The following CACNA1E variants were observed in gnomAD, a reference collection of about 807,000 sequenced individuals.
CACNA1E encodes the protein voltage-dependent R-type calcium channel subunit alpha-1E.
Under a neutral mutation model 259.2 loss-of-function variants are expected in CACNA1E, and 40 were observed. The observed-to-expected ratio is 0.15, with a 90% confidence interval of 0.12 to 0.20. The LOEUF (loss-of-function observed/expected upper bound fraction) is 0.20. CACNA1E is among the 10% of genes least tolerant of loss of function. The pLI, the probability that CACNA1E is intolerant of heterozygous loss-of-function variation, is 1.00. For missense variants in CACNA1E, 1,874 were observed against 3,040.1 expected (o/e 0.62, Z 9.02); for synonymous variants, 1,104 against 1,138.5 (o/e 0.97, Z 0.61).
At chr1:181,651,266 A>C (rs1438998664) in intron 6 of CACNA1E, 72 bp from the exon 7 acceptor site, 2 of 964,544 alleles carry the variant, frequency 2.1e-6, no homozygotes, top group Admixed American at 3.6e-5. Flanking sequence ...CCCTCTGTGC[A>C]GCTGCAAGAA....
intron 1 of CACNA1E, among the ~76,000 whole-genome samples, chr1:181,403,800 C>A (rs2102098759): frequency 1.3e-5 from 2 of 152,258 alleles, no homozygotes; most frequent in Middle Eastern, 3.4e-3. Context: ...TGCTGGTGGT[C>A]TAAGGTGGGG....
chr1:181,663,165 T>G (rs988975383), intron 7 of CACNA1E, among the ~76,000 whole-genome samples: 7 of 152,232 alleles, frequency 4.6e-5, no homozygotes, highest in African/African-American at 1.7e-4. Context: ...AATTTAATAC[T>G]ACTAAAGATA....
intron 6 of CACNA1E, among the ~76,000 whole-genome samples, chr1:181,586,034 T>C (rs546055853): frequency 1.3e-5 from 2 of 152,038 alleles, no homozygotes; most frequent in Admixed American, 1.3e-4. Flanking sequence ...ATCAAGGTTA[T>C]AGCAAGGATA....
At chr1:181,780,591 G>A (rs566331312) in intron 38 of CACNA1E, among the ~76,000 whole-genome samples, 18 of 152,322 alleles carry the variant, frequency 1.2e-4, no homozygotes, top group Admixed American at 2.0e-4. Flanking sequence ...CAGGAGGCTG[G>A]ACAGCTGCCT....
intron 2 of CACNA1E, among the ~76,000 whole-genome samples, chr1:181,420,892 G>T (rs535808141): frequency 6.6e-6 from 1 of 152,252 alleles, no homozygotes; most frequent in Non-Finnish European, 1.5e-5. Context: ...ACATGTCTGT[G>T]TCCCCCACTA....
At chr1:181,544,481 TA>T (rs1438246187) in intron 3 of CACNA1E, among the ~76,000 whole-genome samples, 1 of 152,116 alleles carries the variant, frequency 6.6e-6, no homozygotes, top group African/African-American at 2.4e-5. Flanking sequence ...AAAGCTGCTA[TA>T]AAAATGCATA....
intron 3 of CACNA1E, among the ~76,000 whole-genome samples, chr1:181,574,179 G>T (rs886741781): frequency 4.6e-5 from 7 of 152,102 alleles, no homozygotes; most frequent in African/African-American, 1.7e-4. Flanking sequence ...TAACTAATAC[G>T]TGCCGGGCTT....
intron 6 of CACNA1E, among the ~76,000 whole-genome samples, chr1:181,637,072 C>A (rs1028882280): frequency 6.6e-6 from 1 of 152,218 alleles, no homozygotes; most frequent in Non-Finnish European, 1.5e-5. Flanking sequence ...TCTACAGGGA[C>A]CACAGTCCAC....
chr1:181,728,086 G>T (rs1009724367), intron 18 of CACNA1E, among the ~76,000 whole-genome samples: 2 of 152,178 alleles, frequency 1.3e-5, no homozygotes, highest in Non-Finnish European at 1.5e-5. Context: ...ATTCCTCTCT[G>T]GAATATTCTC....
In CACNA1E at chr1:181,762,580, T is replaced by G; in HGVS notation, c.4612T>G (p.Phe1538Val). The G allele has an allele frequency of 6.2e-7, 1 of 1,603,258 alleles. No homozygotes were observed. The highest frequency in any genetic ancestry group is 8.5e-7 in the Non-Finnish European group (1 of 1,170,682). Residue 1538 changes from phenylalanine (F) to valine (V), a missense_variant, in exon 33 of 48, where the codon TTC (phenylalanine) becomes GTC (valine). Coordinates refer to ENST00000367573, the MANE Select transcript of CACNA1E (RefSeq NM_001205293.3). Reference protein sequence around the residue: ...KVIAFGFLNYFRDTWNIFDFI... With the variant: ...KVIAFGFLNYVRDTWNIFDFI... The stretch of plus-strand genomic sequence containing the variant: ...GACTGAATTCATTTGGCAGAACTAT[T>G]TCCGAGACACCTGGAATATCTTTGA...
rs144644564 is a variant in CACNA1E at position 181,632,285 on chromosome 1, AGAG to A, written c.952-19049_952-19047del. ...TCTTTTCTTGTATCCGTACATTTCCAGAGGAGCCAGTTTATAGAGGGTATAGAG... is the reference window on the plus strand; with the variant it reads ...TCTTTTCTTGTATCCGTACATTTCCAGAGCCAGTTTATAGAGGGTATAGAG... On this transcript the variant is annotated intron_variant, in intron 6 of 47. Coordinates refer to ENST00000367573, the MANE Select transcript of CACNA1E (RefSeq NM_001205293.3). 5.1e-3 allele frequency among the ~76,000 whole-genome samples: 770 copies of A among 152,220 alleles called. 5 individuals are homozygous for A. Among genetic ancestry groups the A allele is most frequent in the African/African-American group, 0.018 (739 of 41,520 alleles).
At chr1:181,629,467 C>T (rs1030064536) in intron 6 of CACNA1E, among the ~76,000 whole-genome samples, 4 of 151,990 alleles carry the variant, frequency 2.6e-5, no homozygotes, top group Non-Finnish European at 5.9e-5. Context: ...GAGGGCACCC[C>T]TAAATAAGAT....
intron 2 of CACNA1E, among the ~76,000 whole-genome samples, chr1:181,447,361 A>G (rs181507448): frequency 7.0e-6 from 1 of 142,420 alleles, no homozygotes; most frequent in East Asian, 2.0e-4. Flanking sequence ...CCTCATCTCT[A>G]AAAAAAAAAA....
Position 181,732,053 on chromosome 1 carries a change from G to A in CACNA1E, c.2298-331G>A, listed in dbSNP as rs927328985. 2.6e-5 allele frequency among the ~76,000 whole-genome samples: 4 copies of A among 151,822 alleles called. No homozygotes were observed. Among genetic ancestry groups the A allele is most frequent in the Non-Finnish European group, 5.9e-5 (4 of 67,970 alleles). On this transcript the variant is annotated intron_variant, in intron 19 of 47. Transcript: ENST00000367573. This position sits in a 1 kb window ranked among gnomAD's most constrained non-coding sequence, Gnocchi z 5.5. ...GATGCCCCGAAAGCAAGGAGAGCAG[G>A]GGAGTGAAGACGTGGTAAGCCTGTG...
Position 181,727,944 on chromosome 1 carries a change from C to T in CACNA1E, c.2240+1782C>T, listed in dbSNP as rs115436207. 5.9e-3 allele frequency among the ~76,000 whole-genome samples: 905 copies of T among 152,230 alleles called. 15 individuals are homozygous for T. Among genetic ancestry groups the T allele is most frequent in the African/African-American group, 0.021 (858 of 41,522 alleles). On this transcript the variant is annotated intron_variant, in intron 18 of 47. Coordinates refer to ENST00000367573, the MANE Select transcript of CACNA1E (RefSeq NM_001205293.3). ...TGAAGCGGGGGACCTCCCTCCTGCA[C>T]GGCCATCATGTTGCCTTTGCCTTTC...
chr1:181,758,661 CA>C lies in CACNA1E; in HGVS notation c.4495-96del. 1.5e-6 allele frequency: 1 copy of C among 681,866 alleles called. No homozygotes were observed. Among genetic ancestry groups the C allele is most frequent in the Non-Finnish European group, 2.6e-6 (1 of 382,496 alleles). The allele number at this position is 681,866 out of a possible 1,614,324, so 42.2% of individuals were successfully genotyped here. ...CTGTACCACACACCAGAGTGTCCCA[CA>C]GGGCAGGAATGAGAGATGGCCAACC... On this transcript the variant is annotated intron_variant, in intron 31 of 47. Coordinates refer to ENST00000367573, the MANE Select transcript of CACNA1E (RefSeq NM_001205293.3). The surrounding 1 kb of genome is among the most constrained non-coding windows in gnomAD (Gnocchi z 4.2).
At chr1:181,453,402 A>G (rs1661277817) in intron 2 of CACNA1E, among the ~76,000 whole-genome samples, 1 of 152,210 alleles carries the variant, frequency 6.6e-6, no homozygotes, top group Admixed American at 6.5e-5. Context: ...GAGCACCTAC[A>G]GTATAGGTGC....
At position 181,437,755 on chromosome 1, in the gene CACNA1E, G is replaced by T. The variant is rs899869666; in HGVS notation, c.434+24175G>T. ...CTCCTCTGCTATACCCCTGATGTAG[G>T]TGTGCCCCAGGGCTGGCTTCTGGGC... On this transcript the variant is annotated intron_variant, in intron 2 of 11. Transcript: ENST00000524607. Among the ~76,000 whole-genome samples the T allele has an allele frequency of 2.0e-5, 3 of 151,886 alleles. No individual in the cohort carries two copies. In the East Asian group the frequency reaches 5.8e-4, roughly 29 times the overall value.
rs1057138022 is a variant in CACNA1E at position 181,786,617 on chromosome 1, A to G, written c.5786+798A>G. ...TGCCCCAATTAATCTACTATAGCAT[A>G]TGTATCTCATAACATTATATTTCGA... On this transcript the variant is annotated intron_variant, in intron 43 of 47. Transcript: ENST00000367573. Among the ~76,000 whole-genome samples the G allele has an allele frequency of 2.0e-5, 3 of 152,252 alleles. No homozygotes were observed. The East Asian group carries it at 5.8e-4, about 29-fold the overall frequency.
Sources: gnomAD v4.1 joint callset for allele counts (sites outside exome capture counted in the v4.1 genomes callset) on GRCh38, gnomAD v4.1.1 for gene constraint, Gnocchi (gnomAD v3.1) non-coding constraint, MANE v1.5 for transcripts, NCBI Gene and HGNC (gene_info 2026-07-23, HGNC 2026-07-21) for gene names.